Variants in PTPRD observed in about 807,000 individuals in gnomAD.
The protein encoded by PTPRD is receptor-type tyrosine-protein phosphatase delta.
A neutral mutation model predicts 214.5 loss-of-function variants in PTPRD; 34 were observed. The ratio of observed to expected loss-of-function variants is 0.16; its 90% CI spans 0.12 to 0.21. The LOEUF is 0.21. Among genes scored for constraint, PTPRD ranks in the 10% least tolerant of loss-of-function variants. PTPRD has a pLI of 1.00. For synonymous variants in PTPRD, 1,128 were observed against 845.7 expected (o/e 1.33, Z -5.79); for missense variants, 2,545 against 2,398.7 (o/e 1.06, Z -1.27).
chr9:9,783,375 A>T (rs1207355939), intron 5 of PTPRD, among the ~76,000 whole-genome samples: 1 of 152,122 alleles, frequency 6.6e-6, no homozygotes, highest in Non-Finnish European at 1.5e-5. Flanking sequence ...CTTTCTTTTC[A>T]TTAGACTTCT....
At chr9:10,316,190 T>TATAC (rs1283241157) in intron 3 of PTPRD, among the ~76,000 whole-genome samples, 5 of 139,214 alleles carry the variant, frequency 3.6e-5, no homozygotes, top group African/African-American at 1.1e-4. Flanking sequence ...GATATACATA[T>TATAC]ATATAGACAC....
intron 9 of PTPRD, among the ~76,000 whole-genome samples, chr9:9,338,496 A>G (rs2045493459): frequency 6.6e-6 from 1 of 152,182 alleles, no homozygotes. Context: ...TTTTAAATCT[A>G]ATGTTTTTAT....
chr9:8,485,181 C>G (rs1452457357), intron 29 of PTPRD, 46 bp downstream of exon 29: 4 of 1,511,284 alleles, frequency 2.6e-6, no homozygotes, highest in Non-Finnish European at 3.7e-6. Context: ...TAAACTGTCC[C>G]CTCTACTTTT....
In PTPRD at chr9:8,449,826, T is replaced by A. The variant is rs2133474275; in HGVS notation, c.3887A>T (p.Glu1296Val). Reference sequence around the variant, plus strand: ...TATGCTGCTTTTTCTAGAGTCGGACTCTGCCCTCTTCCTATAGGGGGAAAA... The same window carrying A: ...TATGCTGCTTTTTCTAGAGTCGGACACTGCCCTCTTCCTATAGGGGGAAAA... Reference protein sequence around the residue: ...AILLYKRKRAESDSRKSSIPN... With the variant: ...AILLYKRKRAVSDSRKSSIPN... Residue 1296 changes from glutamate to valine, a missense_variant, in exon 34 of 46, where the codon GAG becomes GTG. Physicochemically the swap from Glu to Val is moderately radical, Grantham distance 121. Transcript: ENST00000381196. The A allele has an allele frequency of 6.2e-7, 1 of 1,613,878 alleles. No individual in the cohort carries two copies. Among genetic ancestry groups the A allele is most frequent in the Non-Finnish European group, 8.5e-7 (1 of 1,179,862 alleles).
At chr9:9,834,454 G>C (rs758153490) in intron 5 of PTPRD, among the ~76,000 whole-genome samples, 13 of 151,988 alleles carry the variant, frequency 8.6e-5, no homozygotes, top group Non-Finnish European at 1.2e-4. Flanking sequence ...TAGTGGTCAG[G>C]TGAAGTTTTG....
At chr9:10,378,233 G>C (rs531253504) in intron 2 of PTPRD, among the ~76,000 whole-genome samples, 1 of 152,060 alleles carries the variant, frequency 6.6e-6, no homozygotes, top group Admixed American at 6.6e-5. Flanking sequence ...CTGATGAGCA[G>C]GTTGAAAATA....
intron 11 of PTPRD, among the ~76,000 whole-genome samples, chr9:8,756,089 G>C (rs1465805973): frequency 1.3e-5 from 2 of 152,216 alleles, no homozygotes; most frequent in African/African-American, 4.8e-5. Flanking sequence ...CAAATGGGTA[G>C]AGGGAAGGCC....
At chr9:9,861,057 T>C (rs749577966) in intron 5 of PTPRD, among the ~76,000 whole-genome samples, 22 of 152,166 alleles carry the variant, frequency 1.4e-4, no homozygotes, top group Non-Finnish European at 2.8e-4. Context: ...AAAAGAGAAA[T>C]CATTATTTCT....
At chr9:10,458,711 T>G (rs1373383516) in intron 2 of PTPRD, among the ~76,000 whole-genome samples, 1 of 152,054 alleles carries the variant, frequency 6.6e-6, no homozygotes, top group African/African-American at 2.4e-5. Flanking sequence ...GAAAAAGAAA[T>G]AAATGCTATC....
At chr9:10,298,342 A>T (rs2095749870) in intron 3 of PTPRD, among the ~76,000 whole-genome samples, 2 of 151,992 alleles carry the variant, frequency 1.3e-5, no homozygotes, top group African/African-American at 4.8e-5. Flanking sequence ...TACTCAACAA[A>T]GGAACCTATT....
chr9:9,907,445 T>C (rs537127248), intron 5 of PTPRD, among the ~76,000 whole-genome samples: 31 of 151,994 alleles, frequency 2.0e-4, no homozygotes, highest in African/African-American at 7.0e-4. Flanking sequence ...TCATGAGGCC[T>C]CCCTTTCTCC....
At chr9:9,768,017 A>T (rs2098720551) in intron 5 of PTPRD, among the ~76,000 whole-genome samples, 2 of 152,198 alleles carry the variant, frequency 1.3e-5, no homozygotes, top group Admixed American at 6.5e-5. Flanking sequence ...ATCCATACAT[A>T]CACCATCACT....
At chr9:8,618,199 A>G (rs1189545395) in intron 14 of PTPRD, among the ~76,000 whole-genome samples, 1 of 152,128 alleles carries the variant, frequency 6.6e-6, no homozygotes, top group Non-Finnish European at 1.5e-5. Context: ...ACAGACGCAA[A>G]AAGAAAATTT....
At chr9:9,097,165 C>A (rs931821542) in intron 10 of PTPRD, among the ~76,000 whole-genome samples, 4 of 152,112 alleles carry the variant, frequency 2.6e-5, no homozygotes, top group African/African-American at 9.7e-5. Context: ...GCATAAGAGG[C>A]ATACTCTTCT....
At chr9:9,659,882 C>T (rs2096589838) in intron 7 of PTPRD, among the ~76,000 whole-genome samples, 1 of 151,802 alleles carries the variant, frequency 6.6e-6, no homozygotes, top group Admixed American at 6.6e-5. Context: ...ATGAGGATAC[C>T]TAAAATAAGT....
intron 10 of PTPRD, among the ~76,000 whole-genome samples, chr9:9,027,983 T>C (rs1344383289): frequency 6.6e-6 from 1 of 151,916 alleles, no homozygotes; most frequent in African/African-American, 2.4e-5. Flanking sequence ...CTCATTTCTT[T>C]AATCTGTAAT....
chr9:8,872,718 C>T (rs1487976010), intron 11 of PTPRD, among the ~76,000 whole-genome samples: 3 of 152,170 alleles, frequency 2.0e-5, no homozygotes, highest in Non-Finnish European at 4.4e-5. Context: ...TCTTTCTTAT[C>T]TTTAATCATA....
intron 37 of PTPRD, among the ~76,000 whole-genome samples, chr9:8,379,225 T>C (rs2084198403): frequency 6.6e-6 from 1 of 152,162 alleles, no homozygotes; most frequent in East Asian, 1.9e-4. Flanking sequence ...GAAAAATAAA[T>C]ATCCTAACGT....
chr9:10,377,492 C>A (rs1300067459), intron 2 of PTPRD, among the ~76,000 whole-genome samples: 1 of 151,796 alleles, frequency 6.6e-6, no homozygotes, highest in Non-Finnish European at 1.5e-5. Flanking sequence ...TTCCTGTGTC[C>A]AAGTGTTCTC....
Sources: gnomAD v4.1 joint callset for allele counts (sites outside exome capture counted in the v4.1 genomes callset) on GRCh38, gnomAD v4.1.1 for gene constraint, MANE v1.5 for transcripts, NCBI Gene and HGNC (gene_info 2026-07-23, HGNC 2026-07-21) for gene names.